The following ANK3 variants were observed in gnomAD, a reference collection of about 807,000 sequenced individuals.
ANK3 encodes ankyrin-3.
In ANK3, 57 loss-of-function variants were observed where a neutral mutation model predicts 370.9. That is an observed-to-expected ratio of 0.15 (90% CI 0.12 to 0.19). The LOEUF (loss-of-function observed/expected upper bound fraction) is 0.19. ANK3 is among the 10% of genes least tolerant of loss of function. ANK3 has a pLI of 1.00. For synonymous variants in ANK3, 1,929 were observed against 1,946.3 expected, an observed-to-expected ratio of 0.99 and a Z score of 0.23; for missense variants, 4,439 against 5,302.1, an observed-to-expected ratio of 0.84 and a Z score of 5.06.
At chr10:60,681,515 C>A (rs536672198) in intron 1 of ANK3, among the ~76,000 whole-genome samples, 7 of 152,128 alleles carry the variant, frequency 4.6e-5, no homozygotes, top group Non-Finnish European at 8.8e-5. Flanking sequence ...TGGCTAAATC[C>A]GAATCATCCT....
chr10:60,710,001 A>G (rs1030447345), intron 1 of ANK3, among the ~76,000 whole-genome samples: 2 of 152,202 alleles, frequency 1.3e-5, no homozygotes, highest in Non-Finnish European at 2.9e-5. Flanking sequence ...GTACATATCA[A>G]GCAACTCAAC....
chr10:60,527,083 G>C (rs561971556), intron 2 of ANK3, among the ~76,000 whole-genome samples: 5 of 152,158 alleles, frequency 3.3e-5, no homozygotes, highest in Admixed American at 1.3e-4. Context: ...TCCATAGCGT[G>C]CTAGATGGGC....
rs747828156 is a variant in ANK3, at chr10:60,166,583, A to T, written c.2614+8T>A. ...TTAAGTTTCATCACAATAAAAATTTACAAATACCTTCTTCAACATCTGAGA... is the reference window on the plus strand; with the variant it reads ...TTAAGTTTCATCACAATAAAAATTTTCAAATACCTTCTTCAACATCTGAGA... On this transcript the variant is annotated splice_region_variant and intron_variant, in intron 23 of 43. Transcript: ENST00000280772. The T allele has an allele frequency of 1.2e-6, 2 of 1,611,750 alleles. No individual in the cohort carries two copies. Among genetic ancestry groups the T allele is most frequent in the Non-Finnish European group, 1.7e-6 (2 of 1,178,360 alleles).
intron 2 of ANK3, among the ~76,000 whole-genome samples, chr10:60,560,412 A>G (rs2077307337): frequency 6.6e-6 from 1 of 152,236 alleles, no homozygotes; most frequent in South Asian, 2.1e-4. Flanking sequence ...GCTCGTTCAC[A>G]TAATTGAATT....
intron 25 of ANK3, among the ~76,000 whole-genome samples, chr10:60,120,982 G>A (rs894012155): frequency 2.6e-5 from 4 of 152,064 alleles, no homozygotes; most frequent in Non-Finnish European, 4.4e-5. Flanking sequence ...AAGAAAAGAA[G>A]TATATCAAAG....
intron 1 of ANK3, among the ~76,000 whole-genome samples, chr10:60,709,900 T>G (rs2079678697): frequency 6.6e-6 from 1 of 152,110 alleles, no homozygotes; most frequent in Admixed American, 6.5e-5. Context: ...CATACTGTAT[T>G]TATCAATATC....
chr10:60,454,095 T>G (rs1407320757), intron 2 of ANK3, among the ~76,000 whole-genome samples: 1 of 152,200 alleles, frequency 6.6e-6, no homozygotes, highest in Non-Finnish European at 1.5e-5. Context: ...CTTTTGAAAG[T>G]GTAGATTTAA....
chr10:60,334,625 C>T (rs1467078005), intron 1 of ANK3, among the ~76,000 whole-genome samples: 1 of 152,136 alleles, frequency 6.6e-6, no homozygotes, highest in Non-Finnish European at 1.5e-5. Context: ...CATAACTTCG[C>T]AGCAAGTTTT....
intron 2 of ANK3, among the ~76,000 whole-genome samples, chr10:60,528,098 A>T (rs974736025): frequency 2.6e-5 from 4 of 151,814 alleles, no homozygotes; most frequent in African/African-American, 4.8e-5. Context: ...CAGCCTTTAT[A>T]AAAGTCAATG....
At position 60,606,078 on chromosome 10, in the gene ANK3, A is replaced by G. The variant is rs767429324; in HGVS notation, c.96+9108T>C. 3.3e-5 allele frequency among the ~76,000 whole-genome samples: 5 copies of G among 152,324 alleles called. No homozygotes were observed. In the South Asian group the frequency reaches 1.0e-3, roughly 32 times the overall value. On this transcript the variant is annotated intron_variant, in intron 2 of 43. Coordinates refer to the ANK3 transcript ENST00000373827. The stretch of plus-strand genomic sequence containing the variant: ...TAGCTTTATTATTAGACTTTAAGCC[A>G]TCAGAAAATTTAGTGTTAGCAGTTG...
intron 25 of ANK3, among the ~76,000 whole-genome samples, chr10:60,119,352 G>A (rs920317093): frequency 1.3e-5 from 2 of 152,150 alleles, no homozygotes; most frequent in East Asian, 1.9e-4. Context: ...ACTTAAAACC[G>A]AAATATAAAA....
intron 36 of ANK3, among the ~76,000 whole-genome samples, chr10:60,079,806 A>AAAGGGAGGAGGAGGCAGAC (rs2084756196): frequency 1.3e-5 from 2 of 152,090 alleles, no homozygotes; most frequent in African/African-American, 4.8e-5. Context: ...TGATGGAAGG[A>AAAGGGAGGAGGAGGCAGAC]AAGGGAGGAG....
In ANK3 at chr10:60,278,846, T is replaced by C. The variant is rs777217504; in HGVS notation, c.342A>G (p.Ala114=). ...TKKGNTALHI[A]SLAGQAEVVK... is the part of the protein sequence containing the mutation. ...CCACCTCTGCTTGCCCAGCCAAAGA[T>C]GCGATGTGCAATGCTGTGTTTCCTT... Residue 114 remains alanine (A), a synonymous_variant, in exon 4 of 44, where the codon GCA becomes GCG. Coordinates refer to ENST00000280772, the MANE Select transcript of ANK3 (RefSeq NM_020987.5). 4 of 1,613,952 alleles carry C rather than the reference T, an allele frequency of 2.5e-6. No individual in the cohort carries two copies. The highest frequency in any genetic ancestry group is 3.4e-6 in the Non-Finnish European group (4 of 1,179,914).
At chr10:60,450,682 A>C (rs1353960823) in intron 2 of ANK3, among the ~76,000 whole-genome samples, 1 of 152,196 alleles carries the variant, frequency 6.6e-6, no homozygotes, top group Admixed American at 6.5e-5. Context: ...TAAAACAGGA[A>C]ATGAATCTGG....
chr10:60,305,162 T>C (rs192069925), intron 1 of ANK3, among the ~76,000 whole-genome samples: 4 of 152,228 alleles, frequency 2.6e-5, no homozygotes, highest in Middle Eastern at 3.4e-3. Flanking sequence ...TCCATAAACT[T>C]CCAGGACACA....
intron 2 of ANK3, among the ~76,000 whole-genome samples, chr10:60,526,539 A>C (rs1161492769): frequency 1.3e-5 from 2 of 152,128 alleles, no homozygotes; most frequent in Admixed American, 6.6e-5. Flanking sequence ...ACAGCTCTTT[A>C]GTGTAATACG....
chr10:60,411,318 T>A (rs1292782666), intron 2 of ANK3, among the ~76,000 whole-genome samples: 1 of 152,258 alleles, frequency 6.6e-6, no homozygotes, highest in Non-Finnish European at 1.5e-5. Flanking sequence ...TAGCAATAAC[T>A]GTACTTTCTG....
intron 2 of ANK3, among the ~76,000 whole-genome samples, chr10:60,580,910 A>G (rs1480556153): frequency 6.6e-6 from 1 of 152,230 alleles, no homozygotes; most frequent in Non-Finnish European, 1.5e-5. Flanking sequence ...GAGAAGACAG[A>G]GTAGTCAAAG....
chr10:60,180,657 A>C (rs1261636700), intron 18 of ANK3, among the ~76,000 whole-genome samples: 2 of 151,530 alleles, frequency 1.3e-5, no homozygotes, highest in African/African-American at 2.4e-5. Flanking sequence ...AATGACACAA[A>C]TCTGATATGA....
Sources: allele counts gnomAD v4.1 joint callset (sites outside exome capture counted in the v4.1 genomes callset), GRCh38; gene constraint gnomAD v4.1.1; transcripts MANE v1.5; gene names NCBI Gene and HGNC (gene_info 2026-07-23, HGNC 2026-07-21).